The following BAHCC1 variants were observed in gnomAD, a reference collection of about 807,000 sequenced individuals.
The protein encoded by BAHCC1 is BAH and coiled-coil domain-containing protein 1.
A neutral mutation model predicts 88.2 loss-of-function variants in BAHCC1; 43 were observed. The ratio of observed to expected loss-of-function variants is 0.49; its 90% CI spans 0.38 to 0.63. The LOEUF (loss-of-function observed/expected upper bound fraction) is 0.63, where lower values mean the gene tolerates loss of function less well. Among genes scored for constraint, BAHCC1 ranks in the 20% least tolerant of loss-of-function variants. BAHCC1 has a pLI of 0.00. For missense variants in BAHCC1, 3,023 were observed against 1,654.8 expected, an observed-to-expected ratio of 1.83 and a Z score of -14.34; for synonymous variants, 1,510 against 745.5, an observed-to-expected ratio of 2.03 and a Z score of -16.71.
chr17:81,461,042 GGCA>G lies in BAHCC1; in HGVS notation c.6386_6388del (p.Ser2129del), dbSNP rs782396268. 1 of 772,516 alleles carries G rather than the reference GGCA, an allele frequency of 1.3e-6. No individual in the cohort carries two copies. The highest frequency in any genetic ancestry group is 1.7e-5 in the Admixed American group (1 of 58,726). The allele number at this position is 772,516 out of a possible 1,614,324, so 47.9% of individuals were successfully genotyped here. On this transcript the variant is annotated inframe_deletion, in exon 26 of 28. Coordinates refer to ENST00000675386, the MANE Select transcript of BAHCC1 (RefSeq NM_001377448.1). ...GCTGCAGAACCTCTTCCAGCTCAAC[GGCA>G]GCAGCAAGAAGCTGCGGGCCCGCGA...
At chr17:81,413,174 C>T (rs1555648106) in intron 2 of BAHCC1, 1 of 425,178 alleles carries the variant, frequency 2.4e-6, no homozygotes, top group Non-Finnish European at 4.7e-6. Context: ...GCCGTCGGGA[C>T]CCCACCCGTG....
Position 81,466,298 on chromosome 17 carries a change from G to GC in BAHCC1, c.*2482dup, listed in dbSNP as rs2030709659. On this transcript the variant is annotated 3_prime_UTR_variant, in exon 28 of 28. Coordinates refer to ENST00000675386, the MANE Select transcript of BAHCC1 (RefSeq NM_001377448.1). ...GTATCAAATTTTTTATTGATAACTT[G>GC]CTTAAGAATAAATATATGGACTATT... The GC allele has an allele frequency of 6.6e-6, 1 of 152,584 alleles. No homozygotes were observed. Among genetic ancestry groups the GC allele is most frequent in the Non-Finnish European group, 1.5e-5 (1 of 68,020 alleles). The allele number at this position is 152,584 out of a possible 1,614,324, so 9.5% of individuals were successfully genotyped here. A position where few individuals can be genotyped will look rare whatever the true frequency, so the allele number is the denominator to read the frequency against.
intron 4 of BAHCC1, among the ~76,000 whole-genome samples, chr17:81,440,266 A>C (rs1174059616): frequency 6.6e-6 from 1 of 152,186 alleles, no homozygotes; most frequent in Non-Finnish European, 1.5e-5. Context: ...CCAACCCCAG[A>C]AACCCAACCC....
chr17:81,451,957 G>GA lies in BAHCC1; in HGVS notation c.4180-14_4180-13insA, dbSNP rs2064644035. ...CCTGGCCCGGCTCACAGGCCCCTGT[G>GA]CCCCCCCCACCAGGTGTGCCCCCTG... is the stretch of plus-strand genomic sequence containing the variant. On this transcript the variant is annotated splice_polypyrimidine_tract_variant and intron_variant, in intron 12 of 27. Transcript: ENST00000675386. 6.5e-6 allele frequency: 4 copies of GA among 614,974 alleles called. No individual in the cohort carries two copies. Among genetic ancestry groups the GA allele is most frequent in the Non-Finnish European group, 8.8e-6 (3 of 342,560 alleles). The allele number at this position is 614,974 out of a possible 1,614,324, so 38.1% of individuals were successfully genotyped here.
intron 2 of BAHCC1, among the ~76,000 whole-genome samples, chr17:81,408,843 CCT>C (rs1346114875): frequency 6.6e-6 from 1 of 152,206 alleles, no homozygotes; most frequent in Non-Finnish European, 1.5e-5. Flanking sequence ...ACTGCAGGCT[CCT>C]GAGTCTGGGG....
chr17:81,455,243 G>A, intron 14 of BAHCC1, 24 bp from the exon 15 acceptor site: 3 of 711,616 alleles, frequency 4.2e-6, no homozygotes, highest in South Asian at 3.0e-5. Context: ...CATCTGCCCT[G>A]CACCCACCAC....
intron 4 of BAHCC1, among the ~76,000 whole-genome samples, chr17:81,441,463 C>T (rs2064413615): frequency 6.6e-6 from 1 of 152,112 alleles, no homozygotes; most frequent in African/African-American, 2.4e-5. Flanking sequence ...GAGATCGAGA[C>T]CATCCTGGCT....
intron 2 of BAHCC1, chr17:81,421,873 C>T (rs543797960): frequency 3.0e-6 from 1 of 329,530 alleles, no homozygotes; most frequent in Non-Finnish European, 6.2e-6. Flanking sequence ...CGCAGGATGC[C>T]TGGGCACGGA....
chr17:81,413,861 T>C (rs1555648213), intron 2 of BAHCC1, among the ~76,000 whole-genome samples: 1 of 152,072 alleles, frequency 6.6e-6, no homozygotes, highest in Non-Finnish European at 1.5e-5. Context: ...GGCGGCTGTG[T>C]CCTCTGGTCT....
At chr17:81,425,012 G>T (rs1485316442) in intron 2 of BAHCC1, among the ~76,000 whole-genome samples, 3 of 150,066 alleles carry the variant, frequency 2.0e-5, no homozygotes, top group African/African-American at 7.4e-5. Flanking sequence ...GGGTGATGTG[G>T]TTGGTGATGA....
rs75548996 is a variant in BAHCC1 at position 81,418,265 on chromosome 17, G to A, written c.179-8535G>A. On this transcript the variant is annotated intron_variant, in intron 2 of 27. Coordinates refer to ENST00000675386, the MANE Select transcript of BAHCC1 (RefSeq NM_001377448.1). ...CTGGAGAGGGCTTCAGATTGGAGAG[G>A]GTTCCAGGACAGCCCGAGAAACATT... is the stretch of plus-strand genomic sequence containing the variant. 7.1e-3 allele frequency among the ~76,000 whole-genome samples: 1,081 copies of A among 152,312 alleles called. 10 individuals are homozygous for A. Among genetic ancestry groups the A allele is most frequent in the African/African-American group, 0.025 (1,035 of 41,564 alleles).
intron 2 of BAHCC1, chr17:81,401,369 G>C (rs969230567): frequency 6.5e-6 from 1 of 152,684 alleles, no homozygotes; most frequent in Non-Finnish European, 1.5e-5. Context: ...TTTTCTCTCT[G>C]TTGCCCTTCC....
At chr17:81,441,668 C>CAAAAAAAA (rs11333301) in intron 4 of BAHCC1, among the ~76,000 whole-genome samples, 163 bp from the exon 5 acceptor site, 2 of 91,668 alleles carry the variant, frequency 2.2e-5, no homozygotes, top group Non-Finnish European at 4.2e-5. Flanking sequence ...GACTCCGTCT[C>CAAAAAAAA]AAAAAAAAAA....
Position 81,425,224 on chromosome 17 carries a change from G to GGGGTGATGTGGT in BAHCC1, c.179-1576_179-1575insGGGTGATGTGGT, listed in dbSNP as rs2064167329. 3.5e-5 allele frequency among the ~76,000 whole-genome samples: 4 copies of GGGGTGATGTGGT among 113,808 alleles called. 2 individuals carry two copies. Among genetic ancestry groups the GGGGTGATGTGGT allele is most frequent in the Non-Finnish European group, 6.9e-5 (4 of 57,562 alleles). The allele number at this position is 113,808 out of a possible 152,430, so 74.7% of individuals were successfully genotyped here. A position where few individuals can be genotyped will look rare whatever the true frequency, so the allele number is the denominator to read the frequency against. The stretch of plus-strand genomic sequence containing the variant: ...GTGATGATGGTGGGTGATGTGGTTG[G>GGGGTGATGTGGT]TGGTGATGTGGTTGGGGGTGATAGT... On this transcript the variant is annotated intron_variant, in intron 2 of 27. Coordinates refer to ENST00000675386, the MANE Select transcript of BAHCC1 (RefSeq NM_001377448.1).
intron 11 of BAHCC1, among the ~76,000 whole-genome samples, chr17:81,448,616 G>A (rs1226690500): frequency 1.3e-5 from 2 of 152,238 alleles, no homozygotes; most frequent in Admixed American, 6.5e-5. Context: ...ACAGTCTTCA[G>A]GGCTCGGCCG....
Position 81,459,346 on chromosome 17 carries a change from C to T in BAHCC1, c.5796+18C>T, listed in dbSNP as rs782138016. 1 of 775,396 alleles carries T rather than the reference C, an allele frequency of 1.3e-6. No individual in the cohort carries two copies. Among genetic ancestry groups the T allele is most frequent in the Admixed American group, 1.7e-5 (1 of 58,542 alleles). The allele number at this position is 775,396 out of a possible 1,614,324, so 48.0% of individuals were successfully genotyped here. ...AGGAAGCGGTGAGGACCGGGCCGGC[C>T]CGCCCCGGGGAGGGGCCTGGCTGGC... On this transcript the variant is annotated intron_variant, in intron 22 of 27. Transcript: ENST00000675386.
chr17:81,401,361 TTC>T (rs2063814852), intron 2 of BAHCC1: 1 of 152,706 alleles, frequency 6.5e-6, no homozygotes, highest in Non-Finnish European at 1.5e-5. Context: ...GGCTGCCCTT[TTC>T]TCTCTGTTGC....
intron 26 of BAHCC1, chr17:81,462,479 C>T (rs1450167623): frequency 1.8e-6 from 1 of 543,432 alleles, no homozygotes; most frequent in Non-Finnish European, 3.2e-6. Flanking sequence ...AACGTCTTGT[C>T]CACATGTCCC....
At position 81,460,876 on chromosome 17, in the gene BAHCC1, A is replaced by C; in HGVS notation, c.6213A>C (p.Glu2071Asp). The change falls in exon 26 of 28, where the codon GAA becomes GAC. Residue 2071 changes from glutamate to aspartate, a missense_variant. Transcript: ENST00000675386. ...GGCTTTTGCCCTCAGGTAAAGCCGA[A>C]CTCCTAACCTCAGGTGCCAAATCCC... ...SISKDKAGKA[E>D]LLTSGAKSPT... 1.3e-6 allele frequency: 1 copy of C among 766,522 alleles called. No homozygotes were observed. Among genetic ancestry groups the C allele is most frequent in the Non-Finnish European group, 2.4e-6 (1 of 417,864 alleles). The allele number at this position is 766,522 out of a possible 1,614,324, so 47.5% of individuals were successfully genotyped here. A position where few individuals can be genotyped will look rare whatever the true frequency, so the allele number is the denominator to read the frequency against.
Sources: gnomAD v4.1 joint callset for allele counts (sites outside exome capture counted in the v4.1 genomes callset) on GRCh38, gnomAD v4.1.1 for gene constraint, MANE v1.5 for transcripts, NCBI Gene and HGNC (gene_info 2026-07-23, HGNC 2026-07-21) for gene names.